PCDH15: variants seen among roughly 807,000 people sequenced by gnomAD.
PCDH15 encodes protocadherin-15.
A neutral mutation model predicts 178.5 loss-of-function variants in PCDH15; 129 were observed. The ratio of observed to expected loss-of-function variants is 0.72; its 90% CI spans 0.63 to 0.84. The LOEUF is 0.84. Among genes scored for constraint, PCDH15 ranks in the 40% least tolerant of loss-of-function variants. PCDH15 has a pLI of 0.00. For synonymous variants in PCDH15, 800 were observed against 732.0 expected, an observed-to-expected ratio of 1.09 and a Z score of -1.50; for missense variants, 2,230 against 2,099.9, an observed-to-expected ratio of 1.06 and a Z score of -1.21.
chr10:55,457,604 A>C (rs1435983948), intron 2 of PCDH15, among the ~76,000 whole-genome samples: 1 of 152,066 alleles, frequency 6.6e-6, no homozygotes, highest in African/African-American at 2.4e-5. Flanking sequence ...AAAACAATTA[A>C]TTAGCAAGTT....
chr10:54,490,605 C>T (rs2079507784), intron 3 of PCDH15, among the ~76,000 whole-genome samples: 1 of 151,762 alleles, frequency 6.6e-6, no homozygotes, highest in Non-Finnish European at 1.5e-5. Flanking sequence ...TAAACTTTGC[C>T]ACGTAACAGA....
Position 54,821,564 on chromosome 10 carries a change from C to T in PCDH15, c.-29+75886G>A, listed in dbSNP as rs991844664. On this transcript the variant is annotated intron_variant, in intron 3 of 5. Coordinates refer to the PCDH15 transcript ENST00000458638. ...AATATTTTTTACAAATAAGGGACCA[C>T]ACATGACACAGATATATAAAACACA... Among the ~76,000 whole-genome samples the T allele has an allele frequency of 2.6e-5, 4 of 152,130 alleles. No homozygotes were observed. The East Asian group carries it at 7.7e-4, about 29-fold the overall frequency.
intron 2 of PCDH15, among the ~76,000 whole-genome samples, chr10:55,408,432 C>A (rs891473483): frequency 3.9e-5 from 6 of 151,980 alleles, no homozygotes; most frequent in Non-Finnish European, 7.4e-5. Flanking sequence ...GATCCTCCTG[C>A]CTTGGCATCC....
intron 14 of PCDH15, among the ~76,000 whole-genome samples, chr10:54,143,497 A>T (rs1198393952): frequency 6.6e-6 from 1 of 152,134 alleles, no homozygotes; most frequent in African/African-American, 2.4e-5. Context: ...GTTACTGATA[A>T]CTTTGGAGAT....
intron 8 of PCDH15, among the ~76,000 whole-genome samples, chr10:54,298,345 T>A: frequency 6.6e-6 from 1 of 152,016 alleles, no homozygotes; most frequent in East Asian, 1.9e-4. Context: ...GCAACCTTGG[T>A]GTTCTATAAT....
At chr10:55,382,688 C>A (rs932102831) in intron 2 of PCDH15, among the ~76,000 whole-genome samples, 6 of 152,198 alleles carry the variant, frequency 3.9e-5, no homozygotes, top group Admixed American at 1.3e-4. Context: ...TATGCCCACA[C>A]AAATTCAGTT....
chr10:54,774,157 T>C (rs1453253089), intron 1 of PCDH15, among the ~76,000 whole-genome samples: 1 of 151,528 alleles, frequency 6.6e-6, no homozygotes, highest in African/African-American at 2.4e-5. Context: ...ACCTCCCGAG[T>C]AGCTAGGACC....
intron 4 of PCDH15, among the ~76,000 whole-genome samples, chr10:54,374,267 C>T (rs760554894): frequency 6.6e-6 from 1 of 152,032 alleles, no homozygotes; most frequent in Non-Finnish European, 1.5e-5. Flanking sequence ...TGGACACTGG[C>T]CTGGGCAGGG....
intron 17 of PCDH15, among the ~76,000 whole-genome samples, chr10:54,073,711 T>C (rs550342374): frequency 2.6e-5 from 4 of 152,292 alleles, no homozygotes; most frequent in East Asian, 3.9e-4. Context: ...AAGTTACCTA[T>C]TGTATCAATT....
At chr10:55,419,999 A>G (rs1007665178) in intron 2 of PCDH15, among the ~76,000 whole-genome samples, 3 of 151,704 alleles carry the variant, frequency 2.0e-5, no homozygotes, top group African/African-American at 7.2e-5. Flanking sequence ...AAGTTCAGCA[A>G]ACATTTAGTA....
intron 8 of PCDH15, among the ~76,000 whole-genome samples, chr10:54,297,273 C>T (rs531814371): frequency 6.6e-6 from 1 of 152,036 alleles, no homozygotes; most frequent in Non-Finnish European, 1.5e-5. Flanking sequence ...GCCATTGGGA[C>T]CAATTTGACC....
At chr10:54,497,666 G>T (rs573743634) in intron 3 of PCDH15, among the ~76,000 whole-genome samples, 12 of 152,092 alleles carry the variant, frequency 7.9e-5, no homozygotes, top group African/African-American at 2.9e-4. Context: ...CAATAATAAA[G>T]CATTAATAAT....
intron 9 of PCDH15, among the ~76,000 whole-genome samples, chr10:54,215,967 C>A (rs61858791): frequency 4.4e-5 from 6 of 135,924 alleles, no homozygotes; most frequent in Non-Finnish European, 7.6e-5. Context: ...GGCGTGAACC[C>A]GGGAGGCGGA....
At chr10:53,835,857 T>G (rs183621979) in intron 29 of PCDH15, among the ~76,000 whole-genome samples, 18 of 152,274 alleles carry the variant, frequency 1.2e-4, no homozygotes, top group Admixed American at 5.2e-4. Context: ...AAAACTTCTT[T>G]GCGTAGATTT....
intron 2 of PCDH15, among the ~76,000 whole-genome samples, chr10:55,588,648 T>C (rs965094333): frequency 2.0e-5 from 3 of 151,780 alleles, no homozygotes; most frequent in Admixed American, 6.6e-5. Context: ...AAACCTCTAG[T>C]ATTACCAAAC....
chr10:54,023,243 C>G, intron 18 of PCDH15, 46 bp from the exon 19 acceptor site: 2 of 1,556,130 alleles, frequency 1.3e-6, no homozygotes, highest in Non-Finnish European at 8.8e-7. Context: ...TAAGTTTTGA[C>G]GGGCTACTGT....
intron 2 of PCDH15, among the ~76,000 whole-genome samples, chr10:54,909,165 G>T (rs1954776751): frequency 6.6e-6 from 1 of 152,174 alleles, no homozygotes; most frequent in South Asian, 2.1e-4. Flanking sequence ...GGTGGGCCCA[G>T]AAAAGGCACC....
In PCDH15 at chr10:54,530,496, T is replaced by C. The variant is rs571507135; in HGVS notation, c.92-2619A>G. Among the ~76,000 whole-genome samples the C allele has an allele frequency of 2.0e-4, 31 of 152,322 alleles. 1 individual carries two copies. The South Asian group carries it at 6.0e-3, about 29-fold the overall frequency. ...CATGCCTGCATCATTTTCACCTTGG[T>C]AACCTCAGAACATGATACTGGTCCT... On this transcript the variant is annotated intron_variant, in intron 2 of 37. Coordinates refer to ENST00000644397, the MANE Select transcript of PCDH15 (RefSeq NM_001384140.1).
chr10:54,536,997 CTTTTTTTTT>C (rs747880795), intron 2 of PCDH15, among the ~76,000 whole-genome samples: 1 of 92,118 alleles, frequency 1.1e-5, no homozygotes, highest in African/African-American at 4.1e-5. Flanking sequence ...AATTTGTTTC[CTTTTTTTTT>C]TTTTTTTTTT....
Sources: allele counts gnomAD v4.1 joint callset (sites outside exome capture counted in the v4.1 genomes callset), GRCh38; gene constraint gnomAD v4.1.1; transcripts MANE v1.5; gene names NCBI Gene and HGNC (gene_info 2026-07-23, HGNC 2026-07-21).